Variants in PCDH11X observed in about 807,000 individuals in gnomAD.
PCDH11X encodes the protein protocadherin-11 X-linked.
PCDH11X carries 18 observed loss-of-function variants against 53.3 expected under a neutral mutation model. The ratio of observed to expected loss-of-function variants is 0.34; its 90% CI spans 0.23 to 0.50. The LOEUF (loss-of-function observed/expected upper bound fraction) is 0.50. Among genes scored for constraint, PCDH11X ranks in the 20% least tolerant of loss-of-function variants. The pLI, the probability that PCDH11X is intolerant of heterozygous loss-of-function variation, is 0.98. For synonymous variants in PCDH11X, 279 were observed against 393.3 expected (o/e 0.71, Z 3.44); for missense variants, 570 against 1,032.4 (o/e 0.55, Z 6.14).
chrX:92,475,757 T>C (rs998128117), intron 10 of PCDH11X, among the ~76,000 whole-genome samples: 2 of 111,897 alleles, frequency 1.8e-5, no homozygotes, highest in African/African-American at 6.5e-5. Flanking sequence ...TATTATTTCT[T>C]TGAGAAAACT....
chrX:92,306,668 G>A (rs1041363473), intron 8 of PCDH11X, among the ~76,000 whole-genome samples: 6 of 109,303 alleles, frequency 5.5e-5, no homozygotes, highest in Admixed American at 3.9e-4. Context: ...TTGACCAGGC[G>A]CCGTGGTTCA....
intron 10 of PCDH11X, among the ~76,000 whole-genome samples, chrX:92,569,968 A>T (rs1921994251): frequency 2.1e-5 from 2 of 96,789 alleles, no homozygotes; most frequent in Admixed American, 1.2e-4. Flanking sequence ...GTGAGCCGAG[A>T]TCGCACCATT....
rs188702165 is a variant in PCDH11X, at chrX:92,191,333, A to G, written c.3034-10042A>G. ...TTATTTTCTACCTTTACTTATTTCA[A>G]TTTGTTCTCTGTTCGTCCTTTTGTT... On this transcript the variant is annotated intron_variant, in intron 6 of 10. Coordinates refer to ENST00000682573, the MANE Select transcript of PCDH11X (RefSeq NM_032968.5). Among the ~76,000 whole-genome samples the G allele has an allele frequency of 6.3e-5, 7 of 111,494 alleles. No homozygotes were observed. The East Asian group carries it at 1.7e-3, about 27-fold the overall frequency.
At chrX:92,587,139 C>A (rs1008533948) in intron 10 of PCDH11X, among the ~76,000 whole-genome samples, 3 of 110,056 alleles carry the variant, frequency 2.7e-5, no homozygotes, top group African/African-American at 9.9e-5. Flanking sequence ...CATCTTATTT[C>A]TTTTCATGAG....
At chrX:92,612,337 G>A (rs1351596651) in intron 10 of PCDH11X, among the ~76,000 whole-genome samples, 5 of 108,560 alleles carry the variant, frequency 4.6e-5, no homozygotes, top group Admixed American at 9.9e-5. Context: ...GGGCGATTGT[G>A]TGCTTCCAGC....
rs762517285 is a variant in PCDH11X at position 92,489,888 on chromosome X, A to C, written c.3367+21566A>C. Among the ~76,000 whole-genome samples, 163 of 101,828 alleles carry C rather than the reference A, an allele frequency of 1.6e-3. 1 individual carries two copies. The highest frequency in any genetic ancestry group is 5.5e-3 in the African/African-American group (156 of 28,467). 88.4% of individuals were successfully genotyped at this position (101,828 alleles called of 115,157 possible). A position where few individuals can be genotyped will look rare whatever the true frequency, so the allele number is the denominator to read the frequency against. ...AACAACATGATCTTACTTGGACCCA[A>C]CAAATAATTAATTCTGGTATGTTAT... On this transcript the variant is annotated intron_variant, in intron 10 of 10. Transcript: ENST00000682573.
At chrX:91,823,755 GT>G (rs1936793215) in intron 4 of PCDH11X, among the ~76,000 whole-genome samples, 1 of 111,209 alleles carries the variant, frequency 9.0e-6, no homozygotes, top group South Asian at 3.8e-4. Flanking sequence ...AGTTGATGCA[GT>G]TTTTTTCTAG....
intron 6 of PCDH11X, among the ~76,000 whole-genome samples, chrX:91,959,336 T>C (rs140078991): frequency 0.011 from 1,189 of 111,159 alleles, 19 homozygotes; most frequent in African/African-American, 0.038. Context: ...TCTTAGTAAA[T>C]GTCCAGTCTG....
At chrX:92,185,595 T>C (rs2066077273) in intron 6 of PCDH11X, among the ~76,000 whole-genome samples, 1 of 111,110 alleles carries the variant, frequency 9.0e-6, no homozygotes, top group Non-Finnish European at 1.9e-5. Flanking sequence ...AGAGAAAATA[T>C]TTGCAAAGTA....
At chrX:92,322,289 G>C (rs1212669127) in intron 8 of PCDH11X, among the ~76,000 whole-genome samples, 2 of 110,985 alleles carry the variant, frequency 1.8e-5, no homozygotes, top group African/African-American at 6.5e-5. Flanking sequence ...AATCAAATAT[G>C]CATGAGAAAA....
At chrX:92,263,026 A>C in intron 7 of PCDH11X, 88 bp from the exon 8 acceptor site, 1 of 901,673 alleles carries the variant, frequency 1.1e-6, no homozygotes, top group South Asian at 2.5e-5. Context: ...AAAAAAAAAA[A>C]TGTATTTGCA....
At chrX:92,414,633 C>T (rs892785609) in intron 9 of PCDH11X, among the ~76,000 whole-genome samples, 10 of 108,767 alleles carry the variant, frequency 9.2e-5, no homozygotes, top group Non-Finnish European at 1.5e-4. Context: ...TGTTTGTTTA[C>T]AGATTCACCA....
chrX:91,787,508 G>A (rs1189433866), intron 1 of PCDH11X, among the ~76,000 whole-genome samples: 1 of 110,380 alleles, frequency 9.1e-6, no homozygotes, highest in Non-Finnish European at 1.9e-5. Context: ...TGTCTAGAGA[G>A]TGACCTTGGG....
intron 8 of PCDH11X, among the ~76,000 whole-genome samples, chrX:92,381,681 C>T (rs775002757): frequency 9.0e-6 from 1 of 111,322 alleles, no homozygotes; most frequent in South Asian, 3.8e-4. Context: ...AGTCAGAAAC[C>T]ATCTGTTGCT....
intron 8 of PCDH11X, among the ~76,000 whole-genome samples, chrX:92,351,371 C>T (rs2070045764): frequency 9.0e-6 from 1 of 111,403 alleles, no homozygotes; most frequent in Non-Finnish European, 1.9e-5. Flanking sequence ...TTCATGTAAA[C>T]TAACAATATT....
intron 6 of PCDH11X, among the ~76,000 whole-genome samples, chrX:92,142,922 G>GCA (rs58301269): frequency 0.012 from 1,226 of 102,490 alleles, 22 homozygotes; most frequent in African/African-American, 0.041. Context: ...ACAGATGCAT[G>GCA]CACACACACA....
chrX:92,038,968 T>C (rs2063170824), intron 6 of PCDH11X, among the ~76,000 whole-genome samples: 1 of 111,479 alleles, frequency 9.0e-6, no homozygotes, highest in Non-Finnish European at 1.9e-5. Context: ...AGTTGCCCAG[T>C]CTTGGATATG....
intron 7 of PCDH11X, among the ~76,000 whole-genome samples, chrX:92,221,982 C>T (rs1380995376): frequency 9.0e-6 from 1 of 110,615 alleles, no homozygotes; most frequent in Non-Finnish European, 1.9e-5. Context: ...TACAGGTGCA[C>T]GCCACCATAC....
chrX:92,332,005 G>A lies in PCDH11X; in HGVS notation c.3145-55730G>A, dbSNP rs2069502102. 2.7e-5 allele frequency among the ~76,000 whole-genome samples: 3 copies of A among 111,377 alleles called. No homozygotes were observed. In the South Asian group the frequency reaches 1.1e-3, roughly 41 times the overall value. ...TGAATAATGGACGTTCAAATAAATA[G>A]CATTATCTGGCACACATTAATTATA... On this transcript the variant is annotated intron_variant, in intron 8 of 10. Transcript: ENST00000682573.
Sources: allele counts gnomAD v4.1 joint callset (sites outside exome capture counted in the v4.1 genomes callset), GRCh38; gene constraint gnomAD v4.1.1; transcripts MANE v1.5; gene names NCBI Gene and HGNC (gene_info 2026-07-23, HGNC 2026-07-21).